PACS1: variants seen among roughly 807,000 people sequenced by gnomAD.
PACS1 encodes the protein PACS-1.
PACS1 carries 24 observed loss-of-function variants against 115.0 expected under a neutral mutation model. The observed-to-expected ratio is 0.21, with a 90% CI of 0.15 to 0.29. The LOEUF (loss-of-function observed/expected upper bound fraction) is 0.29, where lower values mean the gene tolerates loss of function less well. Among genes scored for constraint, PACS1 ranks in the 10% least tolerant of loss-of-function variants. The pLI, the probability that PACS1 is intolerant of heterozygous loss-of-function variation, is 1.00. For synonymous variants in PACS1, 453 were observed against 504.5 expected, an observed-to-expected ratio of 0.90 and a Z score of 1.37; for missense variants, 838 against 1,251.2, an observed-to-expected ratio of 0.67 and a Z score of 4.98.
intron 1 of PACS1, among the ~76,000 whole-genome samples, chr11:66,187,789 G>A (rs1450957643): frequency 6.6e-6 from 1 of 152,144 alleles, no homozygotes; most frequent in Non-Finnish European, 1.5e-5. Context: ...TTGTCTCCCT[G>A]ATACAATAAT....
chr11:66,240,560 T>A (rs1422111444), intron 21 of PACS1, among the ~76,000 whole-genome samples: 10 of 152,162 alleles, frequency 6.6e-5, no homozygotes, highest in Non-Finnish European at 7.3e-5. Context: ...CCTCAGCCTC[T>A]GCTCCTCGGG....
chr11:66,104,719 C>T (rs966629379), intron 1 of PACS1, among the ~76,000 whole-genome samples: 1 of 152,170 alleles, frequency 6.6e-6, no homozygotes, highest in Non-Finnish European at 1.5e-5. Flanking sequence ...CAGGGGTATA[C>T]AGGAGTCAGA....
At chr11:66,098,715 C>G (rs553810434) in intron 1 of PACS1, among the ~76,000 whole-genome samples, 2 of 152,322 alleles carry the variant, frequency 1.3e-5, no homozygotes, top group African/African-American at 4.8e-5. Flanking sequence ...TAGCTGTCAG[C>G]GTCTCTTCAC....
chr11:66,096,436 A>C (rs903445265), intron 1 of PACS1, among the ~76,000 whole-genome samples: 4 of 150,778 alleles, frequency 2.7e-5, no homozygotes, highest in Non-Finnish European at 5.9e-5. Flanking sequence ...TTGCATATCC[A>C]TTCTCCTGTT....
intron 1 of PACS1, among the ~76,000 whole-genome samples, chr11:66,099,762 T>A (rs1565105983): frequency 6.6e-6 from 1 of 151,950 alleles, no homozygotes; most frequent in Non-Finnish European, 1.5e-5. Context: ...TTCAGGCTGG[T>A]CTTGAACTCC....
In PACS1 at chr11:66,216,600, T is replaced by A. The variant is rs1184817115; in HGVS notation, c.886T>A (p.Leu296Met). ...SSEQEGSDDP[L>M]HGQDLFYEDE... The stretch of plus-strand genomic sequence containing the variant: ...AGAACAGGAAGGCAGTGATGATCCA[T>A]TGCATGGGCAGGTAACTTTCTGTGG... The change falls in exon 6 of 24, where the codon TTG becomes ATG. Residue 296 changes from leucine (L) to methionine (M), a missense_variant. Coordinates refer to ENST00000320580, the MANE Select transcript of PACS1 (RefSeq NM_018026.4). 6.2e-7 allele frequency: 1 copy of A among 1,613,584 alleles called. No homozygotes were observed. The highest frequency in any genetic ancestry group is 8.5e-7 in the Non-Finnish European group (1 of 1,179,582).
intron 1 of PACS1, among the ~76,000 whole-genome samples, chr11:66,149,350 C>G (rs1859188695): frequency 6.6e-6 from 1 of 152,062 alleles, no homozygotes; most frequent in Non-Finnish European, 1.5e-5. Context: ...CCTCGGCCTC[C>G]CAAAGTGCTG....
At chr11:66,116,435 G>T (rs1275595087) in intron 1 of PACS1, among the ~76,000 whole-genome samples, 1 of 152,200 alleles carries the variant, frequency 6.6e-6, no homozygotes, top group Non-Finnish European at 1.5e-5. Flanking sequence ...TGAGAACCTA[G>T]AAGAACTGCC....
chr11:66,231,629 A>G (rs1855596750), intron 13 of PACS1, among the ~76,000 whole-genome samples: 2 of 152,066 alleles, frequency 1.3e-5, no homozygotes, highest in South Asian at 4.1e-4. Flanking sequence ...ATGCTATTAC[A>G]TGGCTGAAAA....
intron 1 of PACS1, among the ~76,000 whole-genome samples, chr11:66,122,072 ACT>A (rs1262412641): frequency 3.0e-4 from 46 of 152,176 alleles, no homozygotes; most frequent in African/African-American, 9.4e-4. Context: ...GGACAGGCTG[ACT>A]CTCTTGTTAG....
At position 66,076,469 on chromosome 11, in the gene PACS1, C is replaced by T. The variant is rs183936177; in HGVS notation, c.356+5627C>T. On this transcript the variant is annotated intron_variant, in intron 1 of 23. Transcript: ENST00000320580. ...AGGCTGGAGTGCAATGGTGCGATCT[C>T]GGCTCACTGCAACCTCCGCCTCCCA... Among the ~76,000 whole-genome samples the T allele has an allele frequency of 1.6e-3, 242 of 151,880 alleles. 1 individual carries two copies. The highest frequency in any genetic ancestry group is 0.015 in the Admixed American group (222 of 15,260).
At chr11:66,165,125 T>C (rs997418691) in intron 1 of PACS1, among the ~76,000 whole-genome samples, 1 of 152,234 alleles carries the variant, frequency 6.6e-6, no homozygotes, top group African/African-American at 2.4e-5. Flanking sequence ...CCTGCTCCAC[T>C]GAAATGTCTA....
intron 1 of PACS1, among the ~76,000 whole-genome samples, chr11:66,148,986 C>A (rs1859180678): frequency 6.6e-6 from 1 of 152,036 alleles, no homozygotes; most frequent in Non-Finnish European, 1.5e-5. Context: ...GGAAAGGTGT[C>A]CACTTAACAG....
chr11:66,235,295 C>G lies in PACS1; in HGVS notation c.2105-6C>G. On this transcript the variant is annotated splice_polypyrimidine_tract_variant and splice_region_variant and intron_variant, in intron 17 of 23. Transcript: ENST00000320580. This position sits in a 1 kb window ranked among gnomAD's most constrained non-coding sequence, Gnocchi z 5.6. Reference sequence around the variant, plus strand: ...GGCAGTTAGTGATCTCTTGGCTTTTCTGCAGAGCAACTGGACGTGGCAGGG... The same window carrying G: ...GGCAGTTAGTGATCTCTTGGCTTTTGTGCAGAGCAACTGGACGTGGCAGGG... The G allele has an allele frequency of 1.2e-6, 2 of 1,612,130 alleles. No individual in the cohort carries two copies. The highest frequency in any genetic ancestry group is 1.7e-6 in the Non-Finnish European group (2 of 1,178,264).
chr11:66,187,985 G>A (rs936084415), intron 1 of PACS1, among the ~76,000 whole-genome samples: 1 of 151,984 alleles, frequency 6.6e-6, no homozygotes, highest in African/African-American at 2.4e-5. Context: ...GTTATTTTTT[G>A]TCTTTTTGAT....
At chr11:66,215,268 A>G (rs1367819964) in intron 4 of PACS1, among the ~76,000 whole-genome samples, 1 of 151,526 alleles carries the variant, frequency 6.6e-6, no homozygotes, top group African/African-American at 2.4e-5. Flanking sequence ...GTTATCTTTA[A>G]GCACATGGCC....
intron 1 of PACS1, among the ~76,000 whole-genome samples, chr11:66,134,855 C>T (rs551487435): frequency 3.3e-5 from 5 of 152,244 alleles, no homozygotes; most frequent in Non-Finnish European, 7.4e-5. Flanking sequence ...CGGAGATAAT[C>T]CTTCTTATCT....
intron 1 of PACS1, among the ~76,000 whole-genome samples, chr11:66,138,111 G>A (rs1268484796): frequency 8.4e-6 from 1 of 118,874 alleles, no homozygotes; most frequent in Non-Finnish European, 1.8e-5. Flanking sequence ...TTTATTTATT[G>A]GACAGTATCA....
chr11:66,236,586 G>A lies in PACS1; in HGVS notation c.2250+646G>A, dbSNP rs1590841255. On this transcript the variant is annotated intron_variant, in intron 19 of 23. Coordinates refer to ENST00000320580, the MANE Select transcript of PACS1 (RefSeq NM_018026.4). The surrounding 1 kb of genome is among the most constrained non-coding windows in gnomAD (Gnocchi z 4.2). ...GATGTCTCATGGCAGGTGCATTGCC[G>A]GCTGTCTGTTCATCAGCAGCTGGGC... Among the ~76,000 whole-genome samples, 4 of 152,070 alleles carry A rather than the reference G, an allele frequency of 2.6e-5. No individual in the cohort carries two copies. The highest frequency in any genetic ancestry group is 2.1e-4 in the South Asian group (1 of 4,820).
Sources: gnomAD v4.1 joint callset for allele counts (sites outside exome capture counted in the v4.1 genomes callset) on GRCh38, gnomAD v4.1.1 for gene constraint, Gnocchi (gnomAD v3.1) non-coding constraint, MANE v1.5 for transcripts, NCBI Gene and HGNC (gene_info 2026-07-23, HGNC 2026-07-21) for gene names.